TMTC2: variants seen among roughly 807,000 people sequenced by gnomAD.
TMTC2 encodes protein O-mannosyl-transferase TMTC2.
Under a neutral mutation model 82.4 loss-of-function variants are expected in TMTC2, and 43 were observed. The observed-to-expected ratio is 0.52, with a 90% CI of 0.41 to 0.67. The LOEUF is 0.67. Ranked by LOEUF, TMTC2 falls within the 30% of genes least tolerant of loss-of-function variation. The pLI is 0.00. For missense variants in TMTC2, 919 were observed against 1,012.4 expected, an observed-to-expected ratio of 0.91 and a Z score of 1.25; for synonymous variants, 408 against 381.9, an observed-to-expected ratio of 1.07 and a Z score of -0.80.
intron 7 of TMTC2, among the ~76,000 whole-genome samples, chr12:82,969,470 C>A (rs1452584324): frequency 6.6e-6 from 1 of 152,028 alleles, no homozygotes; most frequent in Non-Finnish European, 1.5e-5. Context: ...TGAAAAAATA[C>A]AATTATATTT....
chr12:82,844,977 C>A (rs1046490209), intron 1 of TMTC2, among the ~76,000 whole-genome samples: 1 of 151,440 alleles, frequency 6.6e-6, no homozygotes, highest in Non-Finnish European at 1.5e-5. Flanking sequence ...CCTGTAATCC[C>A]AGCACTTTGG....
At chr12:83,106,722 T>C (rs1263576103) in intron 11 of TMTC2, among the ~76,000 whole-genome samples, 4 of 152,184 alleles carry the variant, frequency 2.6e-5, no homozygotes, top group Non-Finnish European at 5.9e-5. Flanking sequence ...CAGTGAAAGA[T>C]AGAAGACAAT....
At chr12:82,810,142 G>C (rs1241781870) in intron 1 of TMTC2, among the ~76,000 whole-genome samples, 1 of 151,862 alleles carries the variant, frequency 6.6e-6, no homozygotes, top group South Asian at 2.1e-4. Context: ...CTTAATGAGA[G>C]AGAAGACTGA....
chr12:83,106,173 A>G (rs1004806360), intron 11 of TMTC2, among the ~76,000 whole-genome samples: 2 of 152,192 alleles, frequency 1.3e-5, no homozygotes, highest in African/African-American at 4.8e-5. Context: ...ACAATGTAAA[A>G]AGATCTAATG....
At chr12:82,698,052 G>A (rs557655231) in intron 1 of TMTC2, among the ~76,000 whole-genome samples, 6 of 152,084 alleles carry the variant, frequency 3.9e-5, no homozygotes, top group Non-Finnish European at 7.4e-5. Flanking sequence ...GAAATGCTTC[G>A]GCCTGTATGA....
chr12:82,695,557 A>G (rs1039125145), intron 1 of TMTC2, among the ~76,000 whole-genome samples: 21 of 152,190 alleles, frequency 1.4e-4, no homozygotes, highest in Non-Finnish European at 2.4e-4. Context: ...TTAATTTCCA[A>G]TTTGTTCCAC....
intron 8 of TMTC2, among the ~76,000 whole-genome samples, chr12:83,003,629 T>C (rs1197675645): frequency 2.0e-5 from 3 of 152,140 alleles, no homozygotes; most frequent in Non-Finnish European, 4.4e-5. Context: ...ATTCCTTTAG[T>C]ATTTACATGG....
At chr12:82,801,784 C>T (rs1879017687) in intron 1 of TMTC2, among the ~76,000 whole-genome samples, 1 of 152,100 alleles carries the variant, frequency 6.6e-6, no homozygotes, top group Admixed American at 6.6e-5. Flanking sequence ...CTCCAAGTCC[C>T]CACCAGATTA....
At chr12:82,940,731 A>C (rs1483144741) in intron 4 of TMTC2, among the ~76,000 whole-genome samples, 3 of 140,682 alleles carry the variant, frequency 2.1e-5, no homozygotes, top group African/African-American at 8.1e-5. Context: ...TCCTACCCCC[A>C]CCTTTTTTGC....
chr12:82,979,439 A>G lies in TMTC2; in HGVS notation c.1949-6486A>G, dbSNP rs138674927. Among the ~76,000 whole-genome samples, 656 of 151,902 alleles carry G rather than the reference A, an allele frequency of 4.3e-3. 5 individuals are homozygous for G. The highest frequency in any genetic ancestry group is 0.015 in the African/African-American group (629 of 41,548). ...ACTTATCACTGAGAGAAAAAGATTA[A>G]TAAACAAGAAAATAGAAAATGAATA... On this transcript the variant is annotated intron_variant, in intron 7 of 11. Transcript: ENST00000321196.
At chr12:83,037,460 T>C (rs554597854) in intron 9 of TMTC2, among the ~76,000 whole-genome samples, 7 of 152,160 alleles carry the variant, frequency 4.6e-5, no homozygotes, top group Non-Finnish European at 1.0e-4. Context: ...CTTTGCAAAA[T>C]TACATTGAGA....
At chr12:83,115,916 T>C (rs1034195934) in intron 11 of TMTC2, among the ~76,000 whole-genome samples, 2 of 152,166 alleles carry the variant, frequency 1.3e-5, no homozygotes, top group Admixed American at 1.3e-4. Flanking sequence ...GCCTCCGTAG[T>C]AGCTGGGACT....
rs1328382626 is a variant in TMTC2, at chr12:82,796,979, TAAC to T, written c.84-60028_84-60026del. ...AGCTCAAAATAAAAGTTGGCTATAA[TAAC>T]AATTATTTAAGATATGTTTGTATAA... On this transcript the variant is annotated intron_variant, in intron 1 of 11. Transcript: ENST00000321196. 1.6e-4 allele frequency among the ~76,000 whole-genome samples: 25 copies of T among 152,292 alleles called. 1 individual carries two copies. Among genetic ancestry groups the T allele is most frequent in the African/African-American group, 5.1e-4 (21 of 41,574 alleles).
At chr12:82,898,764 G>T (rs1381171605) in intron 3 of TMTC2, among the ~76,000 whole-genome samples, 1 of 152,140 alleles carries the variant, frequency 6.6e-6, no homozygotes, top group Non-Finnish European at 1.5e-5. Context: ...CACCATGCTT[G>T]TTCACAGACC....
chr12:82,896,289 G>T lies in TMTC2; in HGVS notation c.1126G>T (p.Gly376Cys). The change falls in exon 3 of 12, where the codon GGC (glycine) becomes TGC (cysteine). Residue 376 changes from glycine to cysteine, a missense_variant. Gly to Cys is a radical substitution (Grantham distance 159, BLOSUM62 -3). Transcript: ENST00000321196. Reference sequence around the variant, plus strand: ...CAGCTTTGCATCCAAAGTAGAAAATGGCATTAAAAACGATGTATCACAGAG... The same window carrying T: ...CAGCTTTGCATCCAAAGTAGAAAATTGCATTAAAAACGATGTATCACAGAG... ...KSSFASKVEN[G>C]IKNDVSQRTQ... is the part of the protein sequence containing the mutation. The T allele has an allele frequency of 6.2e-7, 1 of 1,614,072 alleles. No homozygotes were observed. The highest frequency in any genetic ancestry group is 1.1e-5 in the South Asian group (1 of 91,074).
chr12:83,057,351 C>T (rs959143739), intron 10 of TMTC2, among the ~76,000 whole-genome samples: 2 of 151,766 alleles, frequency 1.3e-5, no homozygotes, highest in African/African-American at 2.4e-5. Context: ...TTTTCTTTAC[C>T]GCTCTACTCT....
chr12:82,928,612 T>C (rs1217464519), intron 3 of TMTC2, among the ~76,000 whole-genome samples: 1 of 152,176 alleles, frequency 6.6e-6, no homozygotes, highest in African/African-American at 2.4e-5. Flanking sequence ...TATGAAAATG[T>C]TAGGCAGAGG....
chr12:83,118,324 T>C (rs1312238943), intron 11 of TMTC2, among the ~76,000 whole-genome samples: 1 of 152,214 alleles, frequency 6.6e-6, no homozygotes, highest in African/African-American at 2.4e-5. Context: ...AGACGGCTTT[T>C]ACTACATTGA....
intron 2 of TMTC2, among the ~76,000 whole-genome samples, chr12:82,874,954 A>T (rs1340572487): frequency 6.6e-6 from 1 of 152,168 alleles, no homozygotes; most frequent in Non-Finnish European, 1.5e-5. Flanking sequence ...CTAAAAAAAA[A>T]TCGTTAAGTG....
Sources: gnomAD v4.1 joint callset for allele counts (sites outside exome capture counted in the v4.1 genomes callset) on GRCh38, gnomAD v4.1.1 for gene constraint, MANE v1.5 for transcripts, NCBI Gene and HGNC (gene_info 2026-07-23, HGNC 2026-07-21) for gene names.